CNIH3: variants seen among roughly 807,000 people sequenced by gnomAD.
CNIH3 encodes protein cornichon homolog 3.
CNIH3 carries 14 observed loss-of-function variants against 24.1 expected under a neutral mutation model. The ratio of observed to expected loss-of-function variants is 0.58; its 90% CI spans 0.38 to 0.91. The LOEUF (loss-of-function observed/expected upper bound fraction) is 0.91, where lower values mean the gene tolerates loss of function less well. Ranked by LOEUF, CNIH3 falls within the 40% of genes least tolerant of loss-of-function variation. The probability of loss-of-function intolerance (pLI) is 0.00; values close to 1 mark genes in which losing one functional copy is unlikely to be tolerated. For missense variants in CNIH3, 178 were observed against 196.8 expected (o/e 0.90, Z 0.57); for synonymous variants, 68 against 73.8 (o/e 0.92, Z 0.40).
chr1:224,607,260 T>C (rs1302284107), intron 3 of CNIH3, among the ~76,000 whole-genome samples: 1 of 152,196 alleles, frequency 6.6e-6, no homozygotes, highest in Non-Finnish European at 1.5e-5. Context: ...TTTTTAGAAG[T>C]TGATTTTGCC....
At chr1:224,569,606 AT>A (rs936043212) in intron 4 of CNIH3, among the ~76,000 whole-genome samples, 5 of 151,862 alleles carry the variant, frequency 3.3e-5, no homozygotes, top group Non-Finnish European at 7.4e-5. Flanking sequence ...ATTTCTAATT[AT>A]TTTTCAAGTG....
At position 224,617,136 on chromosome 1, in the gene CNIH3, G is replaced by A. The variant is rs761784528; in HGVS notation, c.-39G>A. 1 of 1,610,256 alleles carries A rather than the reference G, an allele frequency of 6.2e-7. No homozygotes were observed. Among genetic ancestry groups the A allele is most frequent in the African/African-American group, 1.3e-5 (1 of 74,796 alleles). On this transcript the variant is annotated 5_prime_UTR_variant, in exon 1 of 6. Coordinates refer to ENST00000272133, the MANE Select transcript of CNIH3 (RefSeq NM_152495.2). ...CTAGGGAGGCATCGGGCTCCTAGGG[G>A]CTTCTTGGCGTGTGTGGTGGGATTG... is the stretch of plus-strand genomic sequence containing the variant.
chr1:224,672,316 C>A (rs142712995), intron 1 of CNIH3, among the ~76,000 whole-genome samples: 3 of 152,300 alleles, frequency 2.0e-5, no homozygotes, highest in African/African-American at 7.2e-5. Context: ...TTTCAGGTAG[C>A]ACCAAAAGCC....
Position 224,604,562 on chromosome 1 carries a change from T to G in CNIH3, n.402+38298T>G, listed in dbSNP as rs1682336441. Among the ~76,000 whole-genome samples the G allele has an allele frequency of 6.6e-6, 1 of 151,978 alleles. No homozygotes were observed. Among genetic ancestry groups the G allele is most frequent in the Non-Finnish European group, 1.5e-5 (1 of 67,980 alleles). On this transcript the variant is annotated intron_variant and non_coding_transcript_variant, in intron 3 of 7. Coordinates refer to the CNIH3 transcript ENST00000478120. This position sits in a 1 kb window ranked among gnomAD's most constrained non-coding sequence, Gnocchi z 4.4. ...TGTGGAAGAGACAAGTCCTCAGAGA[T>G]GTGGTTATGTGGCACCAGGGAGGCT...
At chr1:224,575,437 G>T in intron 4 of CNIH3, 1 of 876,500 alleles carries the variant, frequency 1.1e-6, no homozygotes, top group Non-Finnish European at 1.8e-6. Flanking sequence ...CGTGTTTTCT[G>T]TCTCATTTTT....
chr1:224,563,183 C>A (rs185000689), intron 3 of CNIH3, among the ~76,000 whole-genome samples: 1 of 152,120 alleles, frequency 6.6e-6, no homozygotes, highest in Non-Finnish European at 1.5e-5. Context: ...TGTGGTCATG[C>A]TTCTTGTACA....
chr1:224,682,314 G>A (rs191837473), intron 2 of CNIH3, among the ~76,000 whole-genome samples: 261 of 152,204 alleles, frequency 1.7e-3, no homozygotes, highest in Non-Finnish European at 2.5e-3. Context: ...GTTTGTACAG[G>A]GATTTATAGC....
At position 224,739,592 on chromosome 1, in the gene CNIH3, C is replaced by T. The variant is rs1407335158; in HGVS notation, c.*236C>T. On this transcript the variant is annotated 3_prime_UTR_variant, in exon 6 of 6. Transcript: ENST00000272133. ...GGCATTCGAATTCCACACACGGGGT[C>T]CTAGAGCCCTTCTGAGCATCAGTGG... The T allele has an allele frequency of 1.5e-6, 1 of 680,022 alleles. No homozygotes were observed. The highest frequency in any genetic ancestry group is 1.8e-5 in the African/African-American group (1 of 54,652). 42.1% of individuals were successfully genotyped at this position (680,022 alleles called of 1,614,324 possible).
chr1:224,739,556 T>C lies in CNIH3; in HGVS notation c.*200T>C. 1 of 963,952 alleles carries C rather than the reference T, an allele frequency of 1.0e-6. No homozygotes were observed. The highest frequency in any genetic ancestry group is 1.5e-6 in the Non-Finnish European group (1 of 659,236). The allele number at this position is 963,952 out of a possible 1,614,324, so 59.7% of individuals were successfully genotyped here. A position where few individuals can be genotyped will look rare whatever the true frequency, so the allele number is the denominator to read the frequency against. ...CCCTGCGTGTCTGTGTCACCCTGTTTGTCAATCTTTGGCATTCGAATTCCA... is the reference window on the plus strand; with the variant it reads ...CCCTGCGTGTCTGTGTCACCCTGTTCGTCAATCTTTGGCATTCGAATTCCA... On this transcript the variant is annotated 3_prime_UTR_variant, in exon 6 of 6. Coordinates refer to ENST00000272133, the MANE Select transcript of CNIH3 (RefSeq NM_152495.2).
chr1:224,534,612 G>A (rs1001381657), intron 2 of CNIH3, among the ~76,000 whole-genome samples: 5 of 152,170 alleles, frequency 3.3e-5, no homozygotes, highest in African/African-American at 9.7e-5. Flanking sequence ...AAAGTCTTTG[G>A]AAGAAGCAGT....
At chr1:224,734,898 G>A (rs1689516863) in intron 5 of CNIH3, among the ~76,000 whole-genome samples, 192 bp downstream of exon 5, 1 of 152,194 alleles carries the variant, frequency 6.6e-6, no homozygotes, top group Non-Finnish European at 1.5e-5. Flanking sequence ...GGGGGCAGGA[G>A]ATCCTGCAGG....
intron 2 of CNIH3, among the ~76,000 whole-genome samples, chr1:224,528,180 A>C (rs1678918702): frequency 6.6e-6 from 1 of 152,148 alleles, no homozygotes; most frequent in African/African-American, 2.4e-5. Flanking sequence ...GTAAGGATTG[A>C]TTGAGCCTGG....
intron 2 of CNIH3, among the ~76,000 whole-genome samples, chr1:224,524,219 C>T (rs1678755476): frequency 6.6e-6 from 1 of 152,138 alleles, no homozygotes; most frequent in Non-Finnish European, 1.5e-5. Flanking sequence ...CAAAGGGGAC[C>T]CTCTCAGAGG....
At chr1:224,595,517 A>G (rs1260791861) in intron 3 of CNIH3, among the ~76,000 whole-genome samples, 3 of 152,224 alleles carry the variant, frequency 2.0e-5, no homozygotes, top group African/African-American at 7.2e-5. Flanking sequence ...TTGAAACACA[A>G]TAATATTCAA....
chr1:224,472,611 T>C (rs1488576258), intron 1 of CNIH3, among the ~76,000 whole-genome samples: 6 of 152,154 alleles, frequency 3.9e-5, no homozygotes, highest in African/African-American at 1.4e-4. Flanking sequence ...ATAAGAATGA[T>C]ACATTGGACT....
At chr1:224,448,464 C>G (rs1282209806) in intron 1 of CNIH3, among the ~76,000 whole-genome samples, 3 of 152,116 alleles carry the variant, frequency 2.0e-5, no homozygotes, top group Non-Finnish European at 4.4e-5. Context: ...ATCTTTAGAT[C>G]AGATTCAGAC....
At chr1:224,568,483 A>G (rs1455809127) in intron 4 of CNIH3, among the ~76,000 whole-genome samples, 4 of 152,182 alleles carry the variant, frequency 2.6e-5, no homozygotes, top group Non-Finnish European at 5.9e-5. Flanking sequence ...TTGGCCAGGC[A>G]TGGTGGTTCA....
intron 3 of CNIH3, among the ~76,000 whole-genome samples, chr1:224,723,537 C>G (rs1438636054): frequency 6.6e-6 from 1 of 152,230 alleles, no homozygotes; most frequent in Non-Finnish European, 1.5e-5. Flanking sequence ...CCCTCTGGGG[C>G]TGGAAGCAGC....
intron 1 of CNIH3, among the ~76,000 whole-genome samples, chr1:224,628,060 T>C (rs149147052): frequency 6.6e-6 from 1 of 151,662 alleles, no homozygotes; most frequent in East Asian, 2.1e-4. Context: ...AGACTGGGTA[T>C]TTCTGTTCAG....
Sources: gnomAD v4.1 joint callset for allele counts (sites outside exome capture counted in the v4.1 genomes callset) on GRCh38, gnomAD v4.1.1 for gene constraint, Gnocchi (gnomAD v3.1) non-coding constraint, MANE v1.5 for transcripts, NCBI Gene and HGNC (gene_info 2026-07-23, HGNC 2026-07-21) for gene names.